The following CDH9 variants were observed in gnomAD, a reference collection of about 807,000 sequenced individuals.
CDH9 encodes cadherin 9.
Under a neutral mutation model 70.9 loss-of-function variants are expected in CDH9, and 28 were observed. That is an observed-to-expected ratio of 0.40 (90% confidence interval 0.29 to 0.54). CDH9 has a LOEUF of 0.54. Among genes scored for constraint, CDH9 ranks in the 20% least tolerant of loss-of-function variants. CDH9 has a pLI of 0.59. For missense variants in CDH9, 874 were observed against 984.4 expected (o/e 0.89, Z 1.50); for synonymous variants, 409 against 343.1 (o/e 1.19, Z -2.12).
chr5:26,985,816 A>G (rs1487994505), intron 2 of CDH9, among the ~76,000 whole-genome samples: 2 of 152,130 alleles, frequency 1.3e-5, no homozygotes, highest in East Asian at 1.9e-4. Context: ...GGTCAAAAAG[A>G]CAATCTGTGA....
intron 2 of CDH9, among the ~76,000 whole-genome samples, chr5:26,971,791 G>A (rs1306083798): frequency 6.6e-6 from 1 of 151,914 alleles, no homozygotes; most frequent in Non-Finnish European, 1.5e-5. Flanking sequence ...ACCCATATGT[G>A]ATAAGAAAAT....
chr5:26,997,848 T>C (rs1742693454), intron 1 of CDH9, among the ~76,000 whole-genome samples: 1 of 151,948 alleles, frequency 6.6e-6, no homozygotes, highest in Non-Finnish European at 1.5e-5. Context: ...TACAGGCACA[T>C]GCCATCATAC....
chr5:26,997,649 T>G (rs1010004494), intron 1 of CDH9, among the ~76,000 whole-genome samples: 6 of 152,120 alleles, frequency 3.9e-5, no homozygotes, highest in Non-Finnish European at 7.3e-5. Flanking sequence ...GATTGTTGGC[T>G]AACAAGCTAT....
chr5:26,946,718 T>A lies in CDH9; in HGVS notation c.229-30794A>T, dbSNP rs191070635. ...AGCCTCACTTTTCAAAGAGAAAAAA[T>A]TGGTAGCAGGCCTTCTCATGATTCT... On this transcript the variant is annotated intron_variant, in intron 2 of 11. Coordinates refer to ENST00000231021, the MANE Select transcript of CDH9 (RefSeq NM_016279.4). Among the ~76,000 whole-genome samples the A allele has an allele frequency of 1.1e-4, 16 of 152,228 alleles. No homozygotes were observed. In the East Asian group the frequency reaches 2.9e-3, roughly 28 times the overall value.
chr5:26,897,820 C>T (rs906638869), intron 7 of CDH9, among the ~76,000 whole-genome samples: 7 of 152,030 alleles, frequency 4.6e-5, no homozygotes, highest in Admixed American at 6.5e-5. Flanking sequence ...AAGTTCAAGC[C>T]AGGGCAATCA....
chr5:26,895,593 G>A (rs909665920), intron 7 of CDH9, among the ~76,000 whole-genome samples: 2 of 151,950 alleles, frequency 1.3e-5, no homozygotes, highest in African/African-American at 2.4e-5. Context: ...GAGGCAACAT[G>A]TTATTTCAGA....
intron 3 of CDH9, among the ~76,000 whole-genome samples, chr5:26,909,550 T>G (rs2111996774): frequency 6.6e-6 from 1 of 150,736 alleles, no homozygotes; most frequent in Admixed American, 6.6e-5. Context: ...TTTTTTTTTA[T>G]TATACTTTAA....
In CDH9 at chr5:26,889,822, AT is replaced by A. The variant is rs748458609; in HGVS notation, c.1512+13del. ...GAAAATATATTCTTTTAAGTTTTTA[AT>A]GATTTTATTTACCTGCCCAGGTTTT... On this transcript the variant is annotated intron_variant, in intron 9 of 11. Coordinates refer to ENST00000231021, the MANE Select transcript of CDH9 (RefSeq NM_016279.4). The A allele has an allele frequency of 2.9e-4, 442 of 1,505,452 alleles. No homozygotes were observed. The highest frequency in any genetic ancestry group is 3.9e-4 in the Non-Finnish European group (428 of 1,090,756). 93.3% of individuals were successfully genotyped at this position (1,505,452 alleles called of 1,614,324 possible).
chr5:26,963,692 C>T (rs919805933), intron 2 of CDH9, among the ~76,000 whole-genome samples: 2 of 151,892 alleles, frequency 1.3e-5, no homozygotes, highest in South Asian at 2.1e-4. Flanking sequence ...ATATAATCTG[C>T]GAACATTAGT....
chr5:26,894,975 A>C (rs554517205), intron 7 of CDH9, among the ~76,000 whole-genome samples: 165 of 152,178 alleles, frequency 1.1e-3, no homozygotes, highest in Non-Finnish European at 2.0e-3. Context: ...TTATATTTTT[A>C]TGTTCTACCA....
chr5:26,886,040 C>A lies in CDH9; in HGVS notation c.1556G>T (p.Arg519Leu). Residue 519 changes from arginine to leucine, a missense_variant, in exon 10 of 12, where the codon CGA (arginine) becomes CTA (leucine). Arg to Leu is a moderately radical substitution (Grantham distance 102). Coordinates refer to ENST00000231021, the MANE Select transcript of CDH9 (RefSeq NM_016279.4). ...VSVMDKDDPP[R>L]GHKFFFEPVP... ...TGGTTCAAAAAAGAATTTGTGACCTCGGGGAGGGTCATCCTTATCCATGAC... is the reference window on the plus strand; with the variant it reads ...TGGTTCAAAAAAGAATTTGTGACCTAGGGGAGGGTCATCCTTATCCATGAC... The A allele has an allele frequency of 6.2e-7, 1 of 1,611,192 alleles. No homozygotes were observed. The highest frequency in any genetic ancestry group is 1.3e-5 in the African/African-American group (1 of 74,788).
intron 2 of CDH9, among the ~76,000 whole-genome samples, chr5:26,917,500 C>T (rs1296865553): frequency 3.3e-5 from 5 of 152,052 alleles, no homozygotes; most frequent in African/African-American, 9.7e-5. Flanking sequence ...CCATTTACAT[C>T]CTGCCCTCAC....
chr5:26,940,509 A>C (rs1425121215), intron 2 of CDH9, among the ~76,000 whole-genome samples: 3 of 143,928 alleles, frequency 2.1e-5, no homozygotes, highest in Non-Finnish European at 4.4e-5. Flanking sequence ...TCCTACCAAA[A>C]GGTTATAAAA....
intron 1 of CDH9, among the ~76,000 whole-genome samples, chr5:27,033,341 T>G (rs73078141): frequency 2.2e-4 from 34 of 151,586 alleles, no homozygotes; most frequent in African/African-American, 8.2e-4. Flanking sequence ...TTCATTGTGC[T>G]TTCTTTCTGT....
At chr5:26,954,008 A>T (rs1056612088) in intron 2 of CDH9, among the ~76,000 whole-genome samples, 7 of 152,198 alleles carry the variant, frequency 4.6e-5, no homozygotes, top group African/African-American at 1.7e-4. Context: ...ACAGAAGATT[A>T]CCATGGATTC....
At chr5:26,894,567 G>A (rs1483628610) in intron 7 of CDH9, among the ~76,000 whole-genome samples, 1 of 152,058 alleles carries the variant, frequency 6.6e-6, no homozygotes, top group Non-Finnish European at 1.5e-5. Flanking sequence ...TCCAGTGCAA[G>A]TGATGTCTCA....
At chr5:26,927,113 G>A (rs979590704) in intron 2 of CDH9, among the ~76,000 whole-genome samples, 1 of 151,878 alleles carries the variant, frequency 6.6e-6, no homozygotes, top group African/African-American at 2.4e-5. Context: ...GCAACCCCAA[G>A]CAATGTGATA....
chr5:27,023,522 C>T (rs1434741574), intron 1 of CDH9, among the ~76,000 whole-genome samples: 1 of 152,010 alleles, frequency 6.6e-6, no homozygotes. Context: ...TATAACTACT[C>T]TAGTAGGCCT....
intron 2 of CDH9, among the ~76,000 whole-genome samples, chr5:26,969,456 T>A (rs1487199490): frequency 6.6e-6 from 1 of 152,114 alleles, no homozygotes; most frequent in Non-Finnish European, 1.5e-5. Context: ...TGTTCATATG[T>A]TAATTGATCA....
Sources: gnomAD v4.1 joint callset for allele counts (sites outside exome capture counted in the v4.1 genomes callset) on GRCh38, gnomAD v4.1.1 for gene constraint, MANE v1.5 for transcripts, NCBI Gene and HGNC (gene_info 2026-07-23, HGNC 2026-07-21) for gene names.